Variants in FMN1 observed in about 807,000 individuals in gnomAD.
FMN1 encodes the protein formin-1.
FMN1 carries 110 observed loss-of-function variants against 132.4 expected under a neutral mutation model. The ratio of observed to expected loss-of-function variants is 0.83; its 90% CI spans 0.71 to 0.97. FMN1 has a LOEUF of 0.97. Ranked by LOEUF, FMN1 falls within the 50% of genes least tolerant of loss-of-function variation. The pLI, the probability that FMN1 is intolerant of heterozygous loss-of-function variation, is 0.00. For synonymous variants in FMN1, 722 were observed against 651.7 expected, an observed-to-expected ratio of 1.11 and a Z score of -1.64; for missense variants, 1,792 against 1,705.3, an observed-to-expected ratio of 1.05 and a Z score of -0.90.
intron 7 of FMN1, among the ~76,000 whole-genome samples, chr15:32,986,681 T>A (rs998847997): frequency 1.2e-4 from 19 of 152,226 alleles, no homozygotes; most frequent in African/African-American, 4.3e-4. Flanking sequence ...TCAAGATGCA[T>A]GTGGAATTAC....
Position 33,088,773 on chromosome 15 carries a change from G to A in FMN1, c.2043+26C>T, listed in dbSNP as rs1432890062. On this transcript the variant is annotated intron_variant, in intron 5 of 20. Coordinates refer to ENST00000616417, the MANE Select transcript of FMN1 (RefSeq NM_001277313.2). ...CCTCTGTTGACCACAAAGAACCACA[G>A]CACAATCACCAAGATTTCTACTTAC... 2.6e-6 allele frequency: 4 copies of A among 1,524,568 alleles called. No homozygotes were observed. The African/African-American group carries it at 4.1e-5, about 16-fold the overall frequency. 94.4% of individuals were successfully genotyped at this position (1,524,568 alleles called of 1,614,324 possible). A position where few individuals can be genotyped will look rare whatever the true frequency, so the allele number is the denominator to read the frequency against.
chr15:33,156,669 T>C (rs1266810844), intron 3 of FMN1, among the ~76,000 whole-genome samples: 1 of 152,078 alleles, frequency 6.6e-6, no homozygotes, highest in Non-Finnish European at 1.5e-5. Context: ...TAATAATTAT[T>C]GGTAAAAACT....
intron 20 of FMN1, among the ~76,000 whole-genome samples, chr15:32,774,606 G>A (rs2056355505): frequency 6.6e-6 from 1 of 151,858 alleles, no homozygotes; most frequent in Non-Finnish European, 1.5e-5. Context: ...CTAAAACACG[G>A]GCCTTTACCA....
intron 16 of FMN1, among the ~76,000 whole-genome samples, chr15:32,869,459 T>C (rs2059465644): frequency 6.6e-6 from 1 of 152,080 alleles, no homozygotes; most frequent in Non-Finnish European, 1.5e-5. Flanking sequence ...AAGCTCGAGG[T>C]GGAAAATCAA....
At chr15:32,860,734 C>T (rs1407158486) in intron 16 of FMN1, 1 of 152,238 alleles carries the variant, frequency 6.6e-6, no homozygotes, top group Non-Finnish European at 1.5e-5. Context: ...TGCAATGTGA[C>T]TTGCTTGCCC....
intron 17 of FMN1, among the ~76,000 whole-genome samples, chr15:32,842,606 G>A (rs1015108398): frequency 6.7e-6 from 1 of 149,104 alleles, no homozygotes; most frequent in African/African-American, 2.5e-5. Flanking sequence ...ATGCAGCACA[G>A]TGCCTAGAAC....
intron 7 of FMN1, among the ~76,000 whole-genome samples, chr15:32,982,234 G>A (rs1427524657): frequency 2.0e-5 from 3 of 152,152 alleles, no homozygotes; most frequent in African/African-American, 7.2e-5. Flanking sequence ...AGAGGGAGGA[G>A]TGAGAGAAGA....
intron 4 of FMN1, among the ~76,000 whole-genome samples, chr15:33,104,193 GT>G (rs1184760505): frequency 1.3e-5 from 2 of 152,052 alleles, no homozygotes; most frequent in Non-Finnish European, 2.9e-5. Flanking sequence ...ACTCACATTG[GT>G]AAGAAATGAT....
intron 15 of FMN1, among the ~76,000 whole-genome samples, chr15:32,896,752 CTTT>C (rs1346316645): frequency 6.6e-6 from 1 of 152,140 alleles, no homozygotes; most frequent in Non-Finnish European, 1.5e-5. Context: ...TTTATTTCTT[CTTT>C]ATGGTTGAAT....
At chr15:32,877,143 T>C (rs1162807673) in intron 16 of FMN1, among the ~76,000 whole-genome samples, 1 of 152,104 alleles carries the variant, frequency 6.6e-6, no homozygotes, top group Non-Finnish European at 1.5e-5. Context: ...AAAAATTAGC[T>C]GGGCATGCTG....
intron 17 of FMN1, among the ~76,000 whole-genome samples, chr15:32,843,625 C>G (rs571199247): frequency 6.6e-6 from 1 of 152,154 alleles, no homozygotes; most frequent in Non-Finnish European, 1.5e-5. Flanking sequence ...CAATTACTCA[C>G]GCCACATTTT....
At chr15:33,169,821 A>ACTATT (rs1303889381) in intron 3 of FMN1, among the ~76,000 whole-genome samples, 4 of 148,564 alleles carry the variant, frequency 2.7e-5, no homozygotes, top group Non-Finnish European at 5.9e-5. Context: ...TCTGTGAACC[A>ACTATT]GATGAGGCCA....
At chr15:32,812,805 A>T (rs1320842986) in intron 17 of FMN1, among the ~76,000 whole-genome samples, 1 of 152,252 alleles carries the variant, frequency 6.6e-6, no homozygotes, top group Non-Finnish European at 1.5e-5. Flanking sequence ...CTGTTTGCAT[A>T]CAATAGAAAG....
At chr15:32,900,445 G>A (rs1216811759) in intron 13 of FMN1, among the ~76,000 whole-genome samples, 2 of 152,174 alleles carry the variant, frequency 1.3e-5, no homozygotes. Flanking sequence ...TTGTAAAAAG[G>A]GAGTTGGTAT....
intron 4 of FMN1, among the ~76,000 whole-genome samples, chr15:33,113,869 T>A (rs537497557): frequency 6.6e-6 from 1 of 152,330 alleles, no homozygotes; most frequent in East Asian, 1.9e-4. Context: ...AATGAAACCC[T>A]GACTGGAAAC....
chr15:32,910,526 T>G lies in FMN1; in HGVS notation c.3236A>C (p.Asn1079Thr), dbSNP rs1413565033. 1 of 1,571,742 alleles carries G rather than the reference T, an allele frequency of 6.4e-7. No homozygotes were observed. Among genetic ancestry groups the G allele is most frequent in the African/African-American group, 1.4e-5 (1 of 73,950 alleles). The change falls in exon 11 of 21, where the codon AAT becomes ACT. Residue 1079 changes from asparagine (N) to threonine (T), a missense_variant. By Grantham distance (65) the Asn-to-Thr change is moderately conservative (BLOSUM62 0). Transcript: ENST00000616417. Reference sequence around the variant, plus strand: ...CAGATCAACCACGGAGTCATCCACATTGAAAATGGCTGCCAAGCACCCAAA... The same window carrying G: ...CAGATCAACCACGGAGTCATCCACAGTGAAAATGGCTGCCAAGCACCCAAA... Reference protein sequence around the residue: ...EMKDIQQAIFNVDDSVVDLET... With the variant: ...EMKDIQQAIFTVDDSVVDLET...
chr15:33,017,449 T>A (rs1431019026), intron 6 of FMN1, among the ~76,000 whole-genome samples: 1 of 152,014 alleles, frequency 6.6e-6, no homozygotes, highest in Admixed American at 6.6e-5. Context: ...AATTTTTCTA[T>A]CAACCTAAAA....
In FMN1 at chr15:32,767,304, G is replaced by C. The variant is rs1469853187; in HGVS notation, c.*7006C>G. ...AACTGCATGGATCAGGTGCACTTTA[G>C]AAAGCAGCATCCAGGGTCCAGGGTG... On this transcript the variant is annotated 3_prime_UTR_variant, in exon 21 of 21. Coordinates refer to ENST00000616417, the MANE Select transcript of FMN1 (RefSeq NM_001277313.2). The C allele has an allele frequency of 1.3e-5, 2 of 152,172 alleles. No homozygotes were observed. The highest frequency in any genetic ancestry group is 2.4e-5 in the African/African-American group (1 of 41,418). 9.4% of individuals were successfully genotyped at this position (152,172 alleles called of 1,614,324 possible).
At chr15:32,793,490 A>G (rs1034684579) in intron 19 of FMN1, among the ~76,000 whole-genome samples, 1 of 152,150 alleles carries the variant, frequency 6.6e-6, no homozygotes, top group African/African-American at 2.4e-5. Flanking sequence ...CATGTTGGCC[A>G]GGCTGATCTT....
Sources: allele counts gnomAD v4.1 joint callset (sites outside exome capture counted in the v4.1 genomes callset), GRCh38; gene constraint gnomAD v4.1.1; transcripts MANE v1.5; gene names NCBI Gene and HGNC (gene_info 2026-07-23, HGNC 2026-07-21).